Variants in MYLK observed in about 807,000 individuals in gnomAD.
The protein encoded by MYLK is myosin light chain kinase, smooth muscle.
Under a neutral mutation model 203.4 loss-of-function variants are expected in MYLK, and 106 were observed. The ratio of observed to expected loss-of-function variants is 0.52; its 90% confidence interval spans 0.45 to 0.61. MYLK has a LOEUF of 0.61. Among genes scored for constraint, MYLK ranks in the 20% least tolerant of loss-of-function variants. MYLK has a pLI of 0.00. For missense variants in MYLK, 2,072 were observed against 2,442.3 expected (o/e 0.85, Z 3.20); for synonymous variants, 867 against 959.5 (o/e 0.90, Z 1.78).
intron 3 of MYLK, among the ~76,000 whole-genome samples, chr3:123,825,560 C>T (rs147726733): frequency 1.3e-5 from 2 of 152,308 alleles, no homozygotes; most frequent in Admixed American, 6.5e-5. Flanking sequence ...GCCCTGAATT[C>T]GGAGCACAAA....
chr3:123,769,440 T>G (rs1342628346), intron 4 of MYLK, among the ~76,000 whole-genome samples: 1 of 152,212 alleles, frequency 6.6e-6, no homozygotes, highest in Non-Finnish European at 1.5e-5. Flanking sequence ...GACTTACTCA[T>G]GAGAGGGAAA....
chr3:123,718,115 G>A lies in MYLK; in HGVS notation c.1804+4013C>T, dbSNP rs12494227. On this transcript the variant is annotated intron_variant, in intron 13 of 33. Coordinates refer to ENST00000360304, the MANE Select transcript of MYLK (RefSeq NM_053025.4). ...CGGCTCAAGAGATCCACCTGCCTTG[G>A]CCTCCCAAAGTGCTGGGATTACAGG... Among the ~76,000 whole-genome samples, 1,361 of 152,214 alleles carry A rather than the reference G, an allele frequency of 8.9e-3. 35 individuals are homozygous for A. Among genetic ancestry groups the A allele is most frequent in the Admixed American group, 0.055 (835 of 15,290 alleles).
At chr3:123,733,603 C>G in intron 10 of MYLK, 84 bp downstream of exon 10, 1 of 1,527,900 alleles carries the variant, frequency 6.5e-7, no homozygotes, top group Non-Finnish European at 9.0e-7. Flanking sequence ...ATAGGTGATG[C>G]AGACTAGCTG....
intron 4 of MYLK, among the ~76,000 whole-genome samples, chr3:123,768,019 C>T (rs1313707357): frequency 2.0e-5 from 3 of 152,176 alleles, no homozygotes; most frequent in East Asian, 3.9e-4. Flanking sequence ...GAATGCTGAC[C>T]GAACTCCTGG....
chr3:123,792,546 G>GTT (rs2064819754), intron 4 of MYLK, among the ~76,000 whole-genome samples: 1 of 152,096 alleles, frequency 6.6e-6, no homozygotes, highest in Non-Finnish European at 1.5e-5. Context: ...ATAATCAGTG[G>GTT]CTTTTTGTGT....
At chr3:123,797,670 G>A (rs1238210214) in intron 3 of MYLK, among the ~76,000 whole-genome samples, 9 of 152,080 alleles carry the variant, frequency 5.9e-5, no homozygotes, top group Admixed American at 1.3e-4. Context: ...CCGGGGACAC[G>A]GCCACTTTCC....
intron 19 of MYLK, chr3:123,692,283 C>G (rs939134314): frequency 9.1e-7 from 1 of 1,099,628 alleles, no homozygotes; most frequent in Non-Finnish European, 1.1e-6. Flanking sequence ...CCCGACTCAC[C>G]TCCTCTAGGA....
chr3:123,848,408 T>C (rs2030313621), intron 2 of MYLK, among the ~76,000 whole-genome samples: 3 of 152,068 alleles, frequency 2.0e-5, no homozygotes, highest in Admixed American at 6.6e-5. Flanking sequence ...AGGATATATA[T>C]AGTAGACAAC....
At chr3:123,633,021 C>A (rs900644684) in intron 29 of MYLK, among the ~76,000 whole-genome samples, 1 of 152,002 alleles carries the variant, frequency 6.6e-6, no homozygotes, top group African/African-American at 2.4e-5. Context: ...GTCTCAAATT[C>A]CTGAGCTTAA....
chr3:123,706,392 C>T (rs1284797440), intron 16 of MYLK, among the ~76,000 whole-genome samples: 1 of 152,096 alleles, frequency 6.6e-6, no homozygotes, highest in Non-Finnish European at 1.5e-5. Flanking sequence ...TAGCTCAGAG[C>T]TGTGAACATG....
At chr3:123,751,797 G>A (rs1353657438) in intron 5 of MYLK, among the ~76,000 whole-genome samples, 3 of 152,154 alleles carry the variant, frequency 2.0e-5, no homozygotes, top group Admixed American at 6.5e-5. Context: ...GGCTGGGATG[G>A]TTGGGAAAGG....
chr3:123,773,103 A>G (rs1315241621), intron 4 of MYLK, among the ~76,000 whole-genome samples: 1 of 152,142 alleles, frequency 6.6e-6, no homozygotes, highest in Non-Finnish European at 1.5e-5. Context: ...TCAACATATC[A>G]AAAACATAGT....
At chr3:123,639,430 T>C (rs1285881834) in intron 28 of MYLK, among the ~76,000 whole-genome samples, 1 of 152,278 alleles carries the variant, frequency 6.6e-6, no homozygotes, top group African/African-American at 2.4e-5. Flanking sequence ...TCCTTTCTAC[T>C]ACCTGCAGGG....
rs1176720294 is a variant in MYLK at position 123,781,635 on chromosome 3, C to T, written c.165+12042G>A. Among the ~76,000 whole-genome samples, 15 of 152,320 alleles carry T rather than the reference C, an allele frequency of 9.8e-5. No individual in the cohort carries two copies. The South Asian group carries it at 3.1e-3, about 32-fold the overall frequency. On this transcript the variant is annotated intron_variant, in intron 4 of 33. Transcript: ENST00000360304. ...ACCACAAAGAAAACTCCAACACCAACTCCAATACAAATAGGCACTGAATAA... is the reference window on the plus strand; with the variant it reads ...ACCACAAAGAAAACTCCAACACCAATTCCAATACAAATAGGCACTGAATAA...
intron 27 of MYLK, among the ~76,000 whole-genome samples, chr3:123,643,799 G>C (rs192254192): frequency 6.6e-6 from 1 of 152,356 alleles, no homozygotes; most frequent in Non-Finnish European, 1.5e-5. Context: ...GCTATCACTG[G>C]ACTCGAGACC....
chr3:123,664,463 G>A (rs1366056256), intron 22 of MYLK, among the ~76,000 whole-genome samples: 3 of 140,158 alleles, frequency 2.1e-5, no homozygotes, highest in African/African-American at 7.8e-5. Context: ...GCCAGGTCTG[G>A]GGTGGGCAGG....
chr3:123,722,673 G>A (rs1008374906), intron 12 of MYLK, among the ~76,000 whole-genome samples: 1 of 152,116 alleles, frequency 6.6e-6, no homozygotes, highest in Non-Finnish European at 1.5e-5. Flanking sequence ...ACTTTTACAC[G>A]GTCATCTGGC....
At chr3:123,620,560 C>T in intron 31 of MYLK, 1 of 1,380,230 alleles carries the variant, frequency 7.2e-7, no homozygotes, top group Non-Finnish European at 9.4e-7. Flanking sequence ...GGGCCTGGAA[C>T]TGATGTGTGC....
At chr3:123,634,164 G>A (rs1244541135) in intron 29 of MYLK, among the ~76,000 whole-genome samples, 1 of 152,226 alleles carries the variant, frequency 6.6e-6, no homozygotes, top group Non-Finnish European at 1.5e-5. Context: ...AGGAAGAGCT[G>A]TGCATCATTT....
Sources: gnomAD v4.1 joint callset for allele counts (sites outside exome capture counted in the v4.1 genomes callset) on GRCh38, gnomAD v4.1.1 for gene constraint, MANE v1.5 for transcripts, NCBI Gene and HGNC (gene_info 2026-07-23, HGNC 2026-07-21) for gene names.